MICAL1: variants seen among roughly 807,000 people sequenced by gnomAD.
MICAL1 encodes [F-actin]-monooxygenase MICAL1.
In MICAL1, 95 loss-of-function variants were observed where a neutral mutation model predicts 131.8. That is an observed-to-expected ratio of 0.72 (90% CI 0.61 to 0.86). The LOEUF (loss-of-function observed/expected upper bound fraction) is 0.86. Among genes scored for constraint, MICAL1 ranks in the 40% least tolerant of loss-of-function variants. MICAL1 has a pLI of 0.00. For missense variants in MICAL1, 1,292 were observed against 1,380.6 expected, an observed-to-expected ratio of 0.94 and a Z score of 1.02; for synonymous variants, 546 against 554.2, an observed-to-expected ratio of 0.99 and a Z score of 0.21.
intron 3 of MICAL1, 55 bp from the exon 4 acceptor site, chr6:109,453,422 T>C: frequency 6.4e-7 from 1 of 1,569,708 alleles, no homozygotes; most frequent in African/African-American, 1.3e-5. Context: ...AAGCTCCCCA[T>C]GTACCAGTGT....
rs1170785229 is a variant in MICAL1, at chr6:109,446,294, A to G, written c.2423T>C (p.Leu808Pro). 5 of 1,613,952 alleles carry G rather than the reference A, an allele frequency of 3.1e-6. No individual in the cohort carries two copies. The African/African-American group carries it at 4.0e-5, about 13-fold the overall frequency. Reference sequence around the variant, plus strand: ...CAACCGCTGGCGCTCCGGGCTGGAGAGGCGGATCTGCCGACGGGTGGGCTG... The same window carrying G: ...CAACCGCTGGCGCTCCGGGCTGGAGGGGCGGATCTGCCGACGGGTGGGCTG... Reference protein sequence around the residue: ...PSQPTRRQIRLSSPERQRLSS... With the variant: ...PSQPTRRQIRPSSPERQRLSS... The change falls in exon 19 of 25, where the codon CTC (leucine) becomes CCC (proline). Residue 808 changes from leucine (L) to proline (P), a missense_variant. By Grantham distance (98) the Leu-to-Pro change is moderately conservative. Transcript: ENST00000358807.
chr6:109,465,596 TTA>T (rs1776014225), intron 1 of MICAL1: 6 of 1,497,782 alleles, frequency 4.0e-6, no homozygotes, highest in Non-Finnish European at 5.4e-6. Context: ...ACCCGAGTCT[TTA>T]TGAGACATTG....
intron 24 of MICAL1, among the ~76,000 whole-genome samples, 170 bp from the exon 25 acceptor site, chr6:109,444,509 A>AC (rs898792752): frequency 6.6e-6 from 1 of 152,028 alleles, no homozygotes; most frequent in Non-Finnish European, 1.5e-5. Context: ...GAGCAGCACG[A>AC]TTTTTTTTGA....
intron 6 of MICAL1, 25 bp downstream of exon 6, chr6:109,452,221 G>A: frequency 6.3e-7 from 1 of 1,596,292 alleles, no homozygotes; most frequent in Non-Finnish European, 8.6e-7. Flanking sequence ...AGGGGGAGGG[G>A]AAATTCAGCA....
intron 11 of MICAL1, chr6:109,449,133 C>T: frequency 1.5e-6 from 1 of 661,884 alleles, no homozygotes; most frequent in South Asian, 1.8e-5. Context: ...GCAGACTAAA[C>T]TGGGGGCAGG....
chr6:109,461,206 T>G (rs999468286), intron 1 of MICAL1, among the ~76,000 whole-genome samples: 7 of 151,626 alleles, frequency 4.6e-5, no homozygotes, highest in Admixed American at 1.3e-4. Context: ...ACATGTGGTG[T>G]TTGGTTTTCT....
In MICAL1 at chr6:109,447,362, G is replaced by C. The variant is rs750454243; in HGVS notation, c.2065C>G (p.Gln689Glu). The C allele has an allele frequency of 6.2e-7, 1 of 1,613,682 alleles. No individual in the cohort carries two copies. The highest frequency in any genetic ancestry group is 1.3e-5 in the African/African-American group (1 of 74,764). Residue 689 changes from glutamine to glutamate, a missense_variant, in exon 16 of 25, where the codon CAG (glutamine) becomes GAG (glutamate). Physicochemically the swap from Gln to Glu is conservative, Grantham distance 29. Coordinates refer to ENST00000358807, the MANE Select transcript of MICAL1 (RefSeq NM_022765.4). The stretch of plus-strand genomic sequence containing the variant: ...ACACAAAGCCTGGCTCTCACCTCCT[G>C]GTGTTGGGATGGGGGTGTCAGGGGT... ...GVPLTPPSQH[Q>E]EAGAGDLCAL...
intron 24 of MICAL1, 94 bp from the exon 25 acceptor site, chr6:109,444,433 C>T (rs886805468): frequency 7.7e-6 from 12 of 1,557,438 alleles, no homozygotes; most frequent in Middle Eastern, 1.7e-4. Flanking sequence ...TTCTATAACC[C>T]GGGCTTTGTT....
chr6:109,446,276 T>C lies in MICAL1; in HGVS notation c.2441A>G (p.Gln814Arg). Residue 814 changes from glutamine (Q) to arginine (R), a missense_variant, in exon 19 of 25, where the codon CAG (glutamine) becomes CGG (arginine). Physicochemically the swap from Gln to Arg is conservative, Grantham distance 43. Transcript: ENST00000358807. ...RQIRLSSPER[Q>R]RLSSLNLTPD... Reference sequence around the variant, plus strand: ...GGTAAGGTTAAGGGAGGACAACCGCTGGCGCTCCGGGCTGGAGAGGCGGAT... The same window carrying C: ...GGTAAGGTTAAGGGAGGACAACCGCCGGCGCTCCGGGCTGGAGAGGCGGAT... 1 of 1,613,886 alleles carries C rather than the reference T, an allele frequency of 6.2e-7. No homozygotes were observed. Among genetic ancestry groups the C allele is most frequent in the Non-Finnish European group, 8.5e-7 (1 of 1,179,952 alleles).
At chr6:109,458,916 C>T (rs546211676), upstream of MICAL1, among the ~76,000 whole-genome samples, 12 of 152,262 alleles carry the variant, frequency 7.9e-5, no homozygotes, top group African/African-American at 9.6e-5. Flanking sequence ...GTGACATCTG[C>T]GCCAAAGGTG....
At chr6:109,463,559 T>TA (rs926129867) in intron 1 of MICAL1, 2 of 152,160 alleles carry the variant, frequency 1.3e-5, no homozygotes, top group Non-Finnish European at 2.9e-5. Flanking sequence ...TTTAAACTGA[T>TA]ACTTATTTCA....
chr6:109,464,161 T>A (rs1208214640), intron 1 of MICAL1: 3 of 152,282 alleles, frequency 2.0e-5, no homozygotes, highest in Admixed American at 2.0e-4. Context: ...TTGTAAAAAA[T>A]TGTTATCTTT....
rs1322839907 is a variant in MICAL1, at chr6:109,455,252, T to C, written c.-44+467A>G. ...AATGGCAGCAGTGGGGGCAGGTCCCTGAGGCTCAGGCCCCTCCACCATCCA... is the reference window on the plus strand; with the variant it reads ...AATGGCAGCAGTGGGGGCAGGTCCCCGAGGCTCAGGCCCCTCCACCATCCA... On this transcript the variant is annotated intron_variant, in intron 1 of 24. Coordinates refer to ENST00000358807, the MANE Select transcript of MICAL1 (RefSeq NM_022765.4). The surrounding 1 kb of genome is among the most constrained non-coding windows in gnomAD (Gnocchi z 4.7). Among the ~76,000 whole-genome samples, 2 of 152,252 alleles carry C rather than the reference T, an allele frequency of 1.3e-5. No homozygotes were observed. The highest frequency in any genetic ancestry group is 2.9e-5 in the Non-Finnish European group (2 of 68,008).
rs1448050519 is a variant in MICAL1 at position 109,451,713 on chromosome 6, G to A, written c.833-13C>T. 1 of 1,613,576 alleles carries A rather than the reference G, an allele frequency of 6.2e-7. No individual in the cohort carries two copies. Among genetic ancestry groups the A allele is most frequent in the African/African-American group, 1.3e-5 (1 of 74,890 alleles). The stretch of plus-strand genomic sequence containing the variant: ...TCCAGATCAATGCCTGGGGGTACAG[G>A]GCAGGGGACAGTAGATATGTCTCCT... On this transcript the variant is annotated splice_polypyrimidine_tract_variant and intron_variant, in intron 6 of 24. Coordinates refer to ENST00000358807, the MANE Select transcript of MICAL1 (RefSeq NM_022765.4).
At chr6:109,465,905 T>C (rs1582667653) in exon 1 of MICAL1, 5 of 1,614,172 alleles carry the variant, frequency 3.1e-6, no homozygotes, top group African/African-American at 1.3e-5. Context: ...GAGTGGGTGG[T>C]GGCGGACCAG....
rs1264297051 is a variant in MICAL1 at position 109,449,672 on chromosome 6, T to C, written c.1419A>G (p.Ala473=). 5 of 1,581,172 alleles carry C rather than the reference T, an allele frequency of 3.2e-6. No individual in the cohort carries two copies. In the South Asian group the frequency reaches 4.7e-5, roughly 15 times the overall value. ...GGGGTCTGACCTGATTGGGGGTCAC[T>C]GCCCGGAGGTTCAGGTTGGGGTAGC... ...ATRYPNLNLR[A]VTPNQVRDLY... Residue 473 remains alanine, a synonymous_variant, in exon 10 of 25, where the codon GCA becomes GCG. Coordinates refer to ENST00000358807, the MANE Select transcript of MICAL1 (RefSeq NM_022765.4).
Position 109,454,051 on chromosome 6 carries a change from T to C in MICAL1, c.146A>G (p.His49Arg), listed in dbSNP as rs1347391674. 1 of 1,613,996 alleles carries C rather than the reference T, an allele frequency of 6.2e-7. No individual in the cohort carries two copies. The highest frequency in any genetic ancestry group is 8.5e-7 in the Non-Finnish European group (1 of 1,180,032). Residue 49 changes from histidine (H) to arginine (R), a missense_variant, in exon 2 of 25, where the codon CAC becomes CGC. By Grantham distance (29) the His-to-Arg change is conservative. Coordinates refer to ENST00000358807, the MANE Select transcript of MICAL1 (RefSeq NM_022765.4). ...GTAGTTGAGCTGGTCCTTGATCTTG[T>C]GGTACTGGGGCAGCCCCCCACCGGG... The part of the protein sequence containing the change: ...LEPGGGLPQY[H>R]KIKDQLNYWS...
chr6:109,444,186 C>G lies in MICAL1; in HGVS notation c.*5G>C. 2 of 1,610,462 alleles carry G rather than the reference C, an allele frequency of 1.2e-6. No homozygotes were observed. Among genetic ancestry groups the G allele is most frequent in the Non-Finnish European group, 1.7e-6 (2 of 1,178,840 alleles). On this transcript the variant is annotated 3_prime_UTR_variant, in exon 25 of 25. Coordinates refer to ENST00000358807, the MANE Select transcript of MICAL1 (RefSeq NM_022765.4). ...TGGGAACGAAAGCAGACGGCCCACC[C>G]TCGTCTAGCCCTGGGCCCCTGTCCC...
At position 109,452,502 on chromosome 6, in the gene MICAL1, A is replaced by C. The variant is rs976521796; in HGVS notation, c.676+9T>G. The C allele has an allele frequency of 6.2e-7, 1 of 1,613,480 alleles. No individual in the cohort carries two copies. The highest frequency in any genetic ancestry group is 8.5e-7 in the Non-Finnish European group (1 of 1,179,700). On this transcript the variant is annotated intron_variant, in intron 5 of 24. Transcript: ENST00000358807. ...GATGCTGGCTTCTTTGAGGGAAGTG[A>C]TCACTCACCTTCAGGGACGAATTTA...
Sources: gnomAD v4.1 joint callset for allele counts (sites outside exome capture counted in the v4.1 genomes callset) on GRCh38, gnomAD v4.1.1 for gene constraint, Gnocchi (gnomAD v3.1) non-coding constraint, MANE v1.5 for transcripts, NCBI Gene and HGNC (gene_info 2026-07-23, HGNC 2026-07-21) for gene names.